CSMD1: variants seen among roughly 807,000 people sequenced by gnomAD.
CSMD1 encodes CUB and sushi domain-containing protein 1.
Under a neutral mutation model 417.5 loss-of-function variants are expected in CSMD1, and 213 were observed. The ratio of observed to expected loss-of-function variants is 0.51; its 90% CI spans 0.46 to 0.57. The LOEUF (loss-of-function observed/expected upper bound fraction) is 0.57, where lower values mean the gene tolerates loss of function less well. CSMD1 is among the 20% of genes least tolerant of loss of function. CSMD1 has a pLI of 0.00. For missense variants in CSMD1, 6,923 were observed against 4,529.7 expected (o/e 1.53, Z -15.17); for synonymous variants, 2,862 against 1,736.8 (o/e 1.65, Z -16.11).
chr8:3,154,302 G>T (rs531079842), intron 39 of CSMD1, among the ~76,000 whole-genome samples: 1 of 152,164 alleles, frequency 6.6e-6, no homozygotes, highest in Non-Finnish European at 1.5e-5. Flanking sequence ...GACTGGGCTT[G>T]CCATGTCTTA....
chr8:3,107,920 T>C (rs1027138633), intron 44 of CSMD1, 122 bp from the exon 45 acceptor site: 94 of 613,622 alleles, frequency 1.5e-4, no homozygotes, highest in Non-Finnish European at 2.6e-4. Flanking sequence ...GAAATGTCTC[T>C]ATTCCTGAAT....
intron 10 of CSMD1, among the ~76,000 whole-genome samples, chr8:3,521,646 G>A (rs760793718): frequency 2.6e-5 from 4 of 152,148 alleles, no homozygotes; most frequent in East Asian, 1.9e-4. Flanking sequence ...TTTACAGGAG[G>A]ATTAAACAGT....
At position 3,730,614 on chromosome 8, in the gene CSMD1, A is replaced by C. The variant is rs75372734; in HGVS notation, c.932-22123T>G. ...TTCAGTGCCTACATGTGCACCTCTC[A>C]CTTATGTCATCCTCTAAAAAGCTTA... On this transcript the variant is annotated intron_variant, in intron 6 of 69. Transcript: ENST00000635120. 7.9e-3 allele frequency among the ~76,000 whole-genome samples: 1,202 copies of C among 151,674 alleles called. 18 individuals are homozygous for C. The highest frequency in any genetic ancestry group is 0.028 in the African/African-American group (1,143 of 41,490).
intron 3 of CSMD1, among the ~76,000 whole-genome samples, chr8:4,279,772 A>C (rs568422873): frequency 1.3e-5 from 2 of 152,338 alleles, no homozygotes; most frequent in East Asian, 1.9e-4. Context: ...ACTCTACGTA[A>C]GATATGGAGG....
chr8:3,906,050 G>A (rs1364214627), intron 5 of CSMD1, among the ~76,000 whole-genome samples: 1 of 152,124 alleles, frequency 6.6e-6, no homozygotes, highest in East Asian at 1.9e-4. Context: ...AATAGCGAGA[G>A]GAGGTGAAGA....
intron 3 of CSMD1, among the ~76,000 whole-genome samples, chr8:4,034,195 T>A (rs1797501278): frequency 6.6e-6 from 1 of 152,160 alleles, no homozygotes; most frequent in Non-Finnish European, 1.5e-5. Context: ...ATCATCTATT[T>A]CTAAAAGTAT....
chr8:3,382,925 C>T (rs752746361), intron 18 of CSMD1, among the ~76,000 whole-genome samples: 17 of 151,986 alleles, frequency 1.1e-4, no homozygotes, highest in Non-Finnish European at 1.6e-4. Flanking sequence ...CTCAAAAAAA[C>T]CCAAAACTAA....
chr8:4,623,882 T>G (rs1479010334), intron 2 of CSMD1, among the ~76,000 whole-genome samples: 1 of 152,096 alleles, frequency 6.6e-6, no homozygotes, highest in South Asian at 2.1e-4. Context: ...AAGAAAAGTT[T>G]TGTGGGTGAT....
chr8:4,016,111 G>C (rs895810639), intron 4 of CSMD1, among the ~76,000 whole-genome samples: 2 of 152,098 alleles, frequency 1.3e-5, no homozygotes, highest in Non-Finnish European at 2.9e-5. Context: ...TTTGGGATGG[G>C]ATCATATAAA....
intron 3 of CSMD1, among the ~76,000 whole-genome samples, chr8:4,171,243 TG>T (rs1797748772): frequency 1.3e-5 from 2 of 151,944 alleles, no homozygotes; most frequent in Admixed American, 1.3e-4. Context: ...ACCGTTCACT[TG>T]TCCATGCAGT....
In CSMD1 at chr8:3,425,802, A is replaced by C. The variant is rs186683669; in HGVS notation, c.1562-16197T>G. On this transcript the variant is annotated intron_variant, in intron 12 of 69. Coordinates refer to ENST00000635120, the MANE Select transcript of CSMD1 (RefSeq NM_033225.6). Reference sequence around the variant, plus strand: ...AAATTTAACCAAGGTAAATTTCAGCACCTTGATTCACGTATATTGACATTG... The same window carrying C: ...AAATTTAACCAAGGTAAATTTCAGCCCCTTGATTCACGTATATTGACATTG... 1.6e-3 allele frequency among the ~76,000 whole-genome samples: 244 copies of C among 152,218 alleles called. 1 individual carries two copies. The highest frequency in any genetic ancestry group is 5.7e-3 in the African/African-American group (237 of 41,534).
At chr8:3,220,094 AT>A (rs1159910766) in intron 28 of CSMD1, among the ~76,000 whole-genome samples, 1 of 144,958 alleles carries the variant, frequency 6.9e-6, no homozygotes, top group African/African-American at 2.5e-5. Flanking sequence ...GCAATGAGCT[AT>A]GACCACACCA....
chr8:3,999,757 G>A (rs549039842), intron 4 of CSMD1, among the ~76,000 whole-genome samples: 1 of 152,240 alleles, frequency 6.6e-6, no homozygotes, highest in South Asian at 2.1e-4. Flanking sequence ...TACACTTGGA[G>A]GAAAATTACT....
chr8:4,420,168 C>G (rs1563154961), intron 2 of CSMD1, 103 bp from the exon 3 acceptor site: 1 of 693,032 alleles, frequency 1.4e-6, no homozygotes, highest in Non-Finnish European at 2.5e-6. Flanking sequence ...GGTATATTCA[C>G]TTGAAATATG....
chr8:3,695,827 A>G (rs1015817634), intron 7 of CSMD1, among the ~76,000 whole-genome samples: 2 of 152,204 alleles, frequency 1.3e-5, no homozygotes, highest in Non-Finnish European at 2.9e-5. Context: ...AACTTAAAAT[A>G]GCATTATTTG....
chr8:4,375,574 C>A (rs1331669872), intron 3 of CSMD1, among the ~76,000 whole-genome samples: 2 of 152,142 alleles, frequency 1.3e-5, no homozygotes, highest in East Asian at 1.9e-4. Context: ...AGCATTTCAA[C>A]TGAAGACTCC....
intron 62 of CSMD1, among the ~76,000 whole-genome samples, chr8:2,960,573 G>A (rs1369168677): frequency 2.0e-5 from 3 of 152,084 alleles, no homozygotes; most frequent in African/African-American, 7.2e-5. Context: ...AAGTGTTAGT[G>A]TTCATTTTAT....
intron 1 of CSMD1, among the ~76,000 whole-genome samples, chr8:4,674,598 G>C (rs1805556661): frequency 2.0e-5 from 3 of 152,062 alleles, no homozygotes; most frequent in African/African-American, 7.2e-5. Context: ...TGAAGCTTTG[G>C]TGCAAATCAG....
rs1450813867 is a variant in CSMD1, at chr8:3,469,298, T to C, written c.1449-474A>G. Reference sequence around the variant, plus strand: ...GTTCATTCACAAAAGGTTTTCATTGTCTAGAACTAGTATGTAACTTTATCA... The same window carrying C: ...GTTCATTCACAAAAGGTTTTCATTGCCTAGAACTAGTATGTAACTTTATCA... On this transcript the variant is annotated intron_variant, in intron 11 of 69. Transcript: ENST00000635120. The C allele has an allele frequency of 2.0e-5, 3 of 152,700 alleles. No individual in the cohort carries two copies. In the East Asian group the frequency reaches 5.8e-4, roughly 29 times the overall value. The allele number at this position is 152,700 out of a possible 1,614,324, so 9.5% of individuals were successfully genotyped here. A position where few individuals can be genotyped will look rare whatever the true frequency, so the allele number is the denominator to read the frequency against.
Sources: gnomAD v4.1 joint callset for allele counts (sites outside exome capture counted in the v4.1 genomes callset) on GRCh38, gnomAD v4.1.1 for gene constraint, MANE v1.5 for transcripts, NCBI Gene and HGNC (gene_info 2026-07-23, HGNC 2026-07-21) for gene names.